CDYL2: variants seen among roughly 807,000 people sequenced by gnomAD.
The protein encoded by CDYL2 is chromodomain Y-like protein 2.
CDYL2 carries 23 observed loss-of-function variants against 49.4 expected under a neutral mutation model. The observed-to-expected ratio is 0.47, with a 90% CI of 0.34 to 0.66. The LOEUF (loss-of-function observed/expected upper bound fraction) is 0.66. Ranked by LOEUF, CDYL2 falls within the 30% of genes least tolerant of loss-of-function variation. CDYL2 has a pLI of 0.01. For missense variants in CDYL2, 678 were observed against 656.4 expected (o/e 1.03, Z -0.36); for synonymous variants, 360 against 268.8 (o/e 1.34, Z -3.32).
At chr16:80,616,549 TGGA>T (rs747473622) in intron 4 of CDYL2, among the ~76,000 whole-genome samples, 15 of 152,262 alleles carry the variant, frequency 9.9e-5, no homozygotes, top group Non-Finnish European at 2.1e-4. Context: ...ACCAGAGGCA[TGGA>T]GGAGAACCCT....
intron 1 of CDYL2, among the ~76,000 whole-genome samples, chr16:80,692,799 T>C (rs1910467734): frequency 6.6e-6 from 1 of 152,204 alleles, no homozygotes; most frequent in Non-Finnish European, 1.5e-5. Flanking sequence ...TCTGCCTTTA[T>C]CACTAGAGTA....
intron 2 of CDYL2, among the ~76,000 whole-genome samples, chr16:80,673,712 A>G (rs1310718997): frequency 6.6e-6 from 1 of 152,194 alleles, no homozygotes. Flanking sequence ...CAAATCCTTA[A>G]AGATCTCATA....
At chr16:80,754,206 TAATC>T (rs1469836473) in intron 1 of CDYL2, among the ~76,000 whole-genome samples, 1 of 152,166 alleles carries the variant, frequency 6.6e-6, no homozygotes, top group Non-Finnish European at 1.5e-5. Context: ...AGAGACAAAC[TAATC>T]AATCCTTGCC....
At chr16:80,616,054 T>C (rs1487803831) in intron 4 of CDYL2, among the ~76,000 whole-genome samples, 1 of 152,198 alleles carries the variant, frequency 6.6e-6, no homozygotes, top group Non-Finnish European at 1.5e-5. Context: ...CAGCTTCCTC[T>C]GCTCTACCCG....
chr16:80,647,545 G>A (rs1908404573), intron 2 of CDYL2, among the ~76,000 whole-genome samples: 1 of 151,980 alleles, frequency 6.6e-6, no homozygotes, highest in Non-Finnish European at 1.5e-5. Context: ...GATATATAAA[G>A]CAAATATTAT....
chr16:80,694,619 T>C (rs1910549106), intron 1 of CDYL2, among the ~76,000 whole-genome samples: 1 of 152,156 alleles, frequency 6.6e-6, no homozygotes, highest in Non-Finnish European at 1.5e-5. Context: ...CATGGAAATA[T>C]AAATATATGT....
chr16:80,614,384 C>T (rs1906733057), intron 4 of CDYL2, among the ~76,000 whole-genome samples: 1 of 152,210 alleles, frequency 6.6e-6, no homozygotes, highest in African/African-American at 2.4e-5. Flanking sequence ...CAAGCCCATT[C>T]ATCTTGATGG....
intron 4 of CDYL2, among the ~76,000 whole-genome samples, chr16:80,613,129 C>T (rs1597123142): frequency 6.6e-6 from 1 of 152,068 alleles, no homozygotes; most frequent in South Asian, 2.1e-4. Context: ...ATAGCTTACA[C>T]AGTAAGTTAT....
intron 2 of CDYL2, among the ~76,000 whole-genome samples, chr16:80,659,623 TATATAC>T (rs1158481603): frequency 6.6e-6 from 1 of 150,860 alleles, no homozygotes; most frequent in African/African-American, 2.5e-5. Flanking sequence ...TATGTGTGTC[TATATAC>T]ATATACATAT....
chr16:80,662,304 G>C (rs922049610), intron 2 of CDYL2, among the ~76,000 whole-genome samples: 1 of 152,142 alleles, frequency 6.6e-6, no homozygotes, highest in Non-Finnish European at 1.5e-5. Flanking sequence ...TGTGGCTTGA[G>C]ACATCAGAAC....
chr16:80,727,797 C>A (rs886742867), intron 1 of CDYL2, among the ~76,000 whole-genome samples: 1 of 152,208 alleles, frequency 6.6e-6, no homozygotes, highest in Admixed American at 6.5e-5. Context: ...GACCCCTAAC[C>A]CCCGAGCAGC....
intron 1 of CDYL2, among the ~76,000 whole-genome samples, chr16:80,695,134 T>C (rs1262873516): frequency 2.6e-5 from 4 of 152,260 alleles, no homozygotes; most frequent in Non-Finnish European, 4.4e-5. Flanking sequence ...ATGTTTGTTT[T>C]TGGAAGTAAA....
At chr16:80,714,715 A>G (rs1409482892) in intron 1 of CDYL2, among the ~76,000 whole-genome samples, 1 of 152,190 alleles carries the variant, frequency 6.6e-6, no homozygotes, top group Non-Finnish European at 1.5e-5. Context: ...TGGAACCCTG[A>G]CAAGAAATAT....
rs145935523 is a variant in CDYL2, at chr16:80,798,967, C to T, written c.24+5183G>A. On this transcript the variant is annotated intron_variant, in intron 1 of 6. Coordinates refer to ENST00000570137, the MANE Select transcript of CDYL2 (RefSeq NM_152342.4). ...TTAAACTGTCATTTAAAACTCATAACACAAAATAATATTTTAGCATTTGAG... is the reference window on the plus strand; with the variant it reads ...TTAAACTGTCATTTAAAACTCATAATACAAAATAATATTTTAGCATTTGAG... 1.6e-3 allele frequency among the ~76,000 whole-genome samples: 243 copies of T among 151,982 alleles called. 1 individual carries two copies. Among genetic ancestry groups the T allele is most frequent in the African/African-American group, 5.6e-3 (234 of 41,462 alleles).
At chr16:80,628,148 T>A (rs1254775156) in intron 3 of CDYL2, 1 of 152,244 alleles carries the variant, frequency 6.6e-6, no homozygotes, top group Non-Finnish European at 1.5e-5. Context: ...ATACTTTAAA[T>A]CCTTGTTGTG....
chr16:80,605,492 GTAA>G (rs1415285409), intron 6 of CDYL2, among the ~76,000 whole-genome samples: 1 of 149,244 alleles, frequency 6.7e-6, no homozygotes, highest in African/African-American at 2.4e-5. Context: ...AATAATCATA[GTAA>G]TAATAGTCAC....
chr16:80,658,006 C>T (rs1597153355), intron 2 of CDYL2, among the ~76,000 whole-genome samples: 1 of 150,402 alleles, frequency 6.6e-6, no homozygotes, highest in Non-Finnish European at 1.5e-5. Flanking sequence ...GAGTGGTTTA[C>T]ACAGTATACA....
intron 1 of CDYL2, among the ~76,000 whole-genome samples, chr16:80,768,751 G>C (rs954230653): frequency 1.1e-4 from 17 of 152,144 alleles, no homozygotes; most frequent in African/African-American, 4.1e-4. Context: ...CATGGAATTA[G>C]GTCGCCTGGG....
rs577695463 is a variant in CDYL2, at chr16:80,685,251, C to A, written c.25-122G>T. The A allele has an allele frequency of 1.9e-5, 14 of 730,326 alleles. No homozygotes were observed. The African/African-American group carries it at 2.1e-4, about 11-fold the overall frequency. 45.2% of individuals were successfully genotyped at this position (730,326 alleles called of 1,614,324 possible). On this transcript the variant is annotated intron_variant, in intron 1 of 6. Transcript: ENST00000570137. ...GCATCTACCCTAGCCAGGGGGTGAG[C>A]CACGAGCCATTCAATGCCAGAAGCC...
Sources: gnomAD v4.1 joint callset for allele counts (sites outside exome capture counted in the v4.1 genomes callset) on GRCh38, gnomAD v4.1.1 for gene constraint, MANE v1.5 for transcripts, NCBI Gene and HGNC (gene_info 2026-07-23, HGNC 2026-07-21) for gene names.